TMEM74: variants seen among roughly 807,000 people sequenced by gnomAD.
The protein encoded by TMEM74 is transmembrane protein 74.
Under a neutral mutation model 18.1 loss-of-function variants are expected in TMEM74, and 13 were observed. The observed-to-expected ratio is 0.72, with a 90% confidence interval of 0.47 to 1.14. TMEM74 has a LOEUF of 1.14. TMEM74 is among the 50% of genes most tolerant of loss of function. The pLI is 0.00. For synonymous variants in TMEM74, 159 were observed against 146.6 expected, an observed-to-expected ratio of 1.08 and a Z score of -0.61; for missense variants, 372 against 375.9, an observed-to-expected ratio of 0.99 and a Z score of 0.09.
intron 2 of TMEM74, among the ~76,000 whole-genome samples, chr8:108,633,152 A>G (rs2130554506): frequency 6.6e-6 from 1 of 152,142 alleles, no homozygotes; most frequent in Middle Eastern, 3.4e-3. Context: ...TTTATCACTC[A>G]GAGGATTACT....
chr8:108,652,922 G>A (rs531603012), intron 2 of TMEM74: 11 of 366,202 alleles, frequency 3.0e-5, no homozygotes, highest in Middle Eastern at 7.7e-4. Flanking sequence ...TGTGAAGAGC[G>A]AAGATGAATT....
chr8:108,786,519 A>ATTTTC (rs1207808123), intron 1 of TMEM74, among the ~76,000 whole-genome samples: 1 of 152,206 alleles, frequency 6.6e-6, no homozygotes, highest in Non-Finnish European at 1.5e-5. Context: ...GGGAATTGAC[A>ATTTTC]TGTTTTCTGC....
At chr8:108,657,128 G>A (rs1428118229) in intron 1 of TMEM74, among the ~76,000 whole-genome samples, 2 of 151,968 alleles carry the variant, frequency 1.3e-5, no homozygotes, top group Admixed American at 1.3e-4. Context: ...TTATATGTAA[G>A]GGAAATATTG....
At chr8:108,756,928 A>G (rs1813982305) in intron 1 of TMEM74, among the ~76,000 whole-genome samples, 1 of 152,070 alleles carries the variant, frequency 6.6e-6, no homozygotes, top group Non-Finnish European at 1.5e-5. Context: ...AAGTTGAACC[A>G]GGGAAAGGGT....
chr8:108,628,752 G>A (rs897178020), intron 2 of TMEM74, among the ~76,000 whole-genome samples: 2 of 152,020 alleles, frequency 1.3e-5, no homozygotes, highest in Non-Finnish European at 2.9e-5. Context: ...TCCACCAAAG[G>A]TATAAAAACA....
chr8:108,635,415 T>C (rs1265312671), intron 2 of TMEM74, among the ~76,000 whole-genome samples: 1 of 152,058 alleles, frequency 6.6e-6, no homozygotes, highest in African/African-American at 2.4e-5. Context: ...CTCAAGGCAA[T>C]GTTTTCCTTG....
In TMEM74 at chr8:108,696,115, A is replaced by C. The variant is rs188575371; in HGVS notation, n.120-40678T>G. Among the ~76,000 whole-genome samples, 101 of 152,344 alleles carry C rather than the reference A, an allele frequency of 6.6e-4. 1 individual carries two copies. The highest frequency in any genetic ancestry group is 1.2e-3 in the Non-Finnish European group (80 of 68,040). Reference sequence around the variant, plus strand: ...GACAAAATGCTTGACAGTATCACAAAAAGTCTTCATATGTAACTTATATAG... The same window carrying C: ...GACAAAATGCTTGACAGTATCACAACAAGTCTTCATATGTAACTTATATAG... On this transcript the variant is annotated intron_variant and non_coding_transcript_variant, in intron 1 of 3. Transcript: ENST00000518838.
intron 1 of TMEM74, among the ~76,000 whole-genome samples, chr8:108,675,750 A>T (rs1298412361): frequency 6.6e-6 from 1 of 152,244 alleles, no homozygotes; most frequent in Non-Finnish European, 1.5e-5. Flanking sequence ...TTAAAAATAC[A>T]TTAGGAAATG....
intron 1 of TMEM74, among the ~76,000 whole-genome samples, chr8:108,734,473 A>T (rs1178451792): frequency 1.3e-5 from 2 of 152,130 alleles, no homozygotes; most frequent in Non-Finnish European, 2.9e-5. Flanking sequence ...AAGAACCCTA[A>T]TATACCTCTC....
intron 1 of TMEM74, among the ~76,000 whole-genome samples, chr8:108,675,197 AC>A (rs1813044527): frequency 6.6e-6 from 1 of 152,014 alleles, no homozygotes; most frequent in Non-Finnish European, 1.5e-5. Flanking sequence ...TTCATTGACT[AC>A]CTTTTGTTTA....
intron 1 of TMEM74, among the ~76,000 whole-genome samples, chr8:108,713,483 G>T (rs1813492633): frequency 6.6e-6 from 1 of 152,158 alleles, no homozygotes; most frequent in African/African-American, 2.4e-5. Context: ...CCTATGATGT[G>T]CTGGGCTGTT....
At chr8:108,624,823 C>T (rs372288309) in intron 2 of TMEM74, among the ~76,000 whole-genome samples, 6 of 151,876 alleles carry the variant, frequency 4.0e-5, no homozygotes, top group African/African-American at 1.2e-4. Context: ...GTGTCTATAA[C>T]GTGCTGAATG....
intron 1 of TMEM74, among the ~76,000 whole-genome samples, chr8:108,756,875 C>G (rs953505571): frequency 6.6e-6 from 1 of 151,856 alleles, no homozygotes; most frequent in African/African-American, 2.4e-5. Flanking sequence ...TTGCTGTATT[C>G]ATAATGACTG....
intron 1 of TMEM74, among the ~76,000 whole-genome samples, chr8:108,758,231 A>G (rs1311762206): frequency 6.6e-6 from 1 of 152,110 alleles, no homozygotes; most frequent in African/African-American, 2.4e-5. Flanking sequence ...ATTTTAAAAT[A>G]TAAAGCAGAA....
intron 1 of TMEM74, among the ~76,000 whole-genome samples, chr8:108,669,859 G>A (rs984095127): frequency 5.9e-5 from 9 of 151,842 alleles, no homozygotes; most frequent in Non-Finnish European, 1.2e-4. Context: ...TCAAGATGGT[G>A]AAACCCCATC....
At chr8:108,607,146 A>T (rs1812281655) in exon 4 of TMEM74, 1 of 152,138 alleles carries the variant, frequency 6.6e-6, no homozygotes, top group South Asian at 2.1e-4. Flanking sequence ...CCTGTGCTTT[A>T]TTGGTCAAAA....
At chr8:108,774,186 C>G (rs1444337797), downstream of TMEM74, among the ~76,000 whole-genome samples, 2 of 152,200 alleles carry the variant, frequency 1.3e-5, no homozygotes, top group African/African-American at 4.8e-5. Flanking sequence ...CCTTGTGGAA[C>G]AGACTGGCTA....
intron 1 of TMEM74, among the ~76,000 whole-genome samples, chr8:108,719,103 G>A (rs1236606852): frequency 6.6e-6 from 1 of 151,888 alleles, no homozygotes; most frequent in Non-Finnish European, 1.5e-5. Flanking sequence ...CTCAATTAGA[G>A]TAGAGCAGTT....
rs1316107934 is a variant in TMEM74, at chr8:108,699,183, T to TCCTTCCTTCCTTCCTTTCTTCCTC, written n.120-43747_120-43746insGAGGAAGAAAGGAAGGAAGGAAGG. Reference sequence around the variant, plus strand: ...TTCCTTCCTTCCTTCCTTCCTTCCTTCCTCCCTCCCTCCCTCCCTCCCTCC... The same window carrying TCCTTCCTTCCTTCCTTTCTTCCTC: ...TTCCTTCCTTCCTTCCTTCCTTCCTTCCTTCCTTCCTTCCTTTCTTCCTCCCTCCCTCCCTCCCTCCCTCCCTCC... On this transcript the variant is annotated intron_variant and non_coding_transcript_variant, in intron 1 of 3. Transcript: ENST00000518838. Among the ~76,000 whole-genome samples the TCCTTCCTTCCTTCCTTTCTTCCTC allele has an allele frequency of 1.2e-3, 86 of 70,470 alleles. 4 individuals are homozygous for TCCTTCCTTCCTTCCTTTCTTCCTC. The highest frequency in any genetic ancestry group is 2.3e-3 in the Admixed American group (14 of 6,092). 46.2% of individuals were successfully genotyped at this position (70,470 alleles called of 152,430 possible). A position where few individuals can be genotyped will look rare whatever the true frequency, so the allele number is the denominator to read the frequency against.
Sources: allele counts gnomAD v4.1 joint callset (sites outside exome capture counted in the v4.1 genomes callset), GRCh38; gene constraint gnomAD v4.1.1; transcripts MANE v1.5; gene names NCBI Gene and HGNC (gene_info 2026-07-23, HGNC 2026-07-21).